KCNAB1: variants seen among roughly 807,000 people sequenced by gnomAD.
KCNAB1 encodes the protein voltage-gated potassium channel subunit beta-1.
A neutral mutation model predicts 64.6 loss-of-function variants in KCNAB1; 35 were observed. The observed-to-expected ratio is 0.54, with a 90% CI of 0.41 to 0.72. KCNAB1 has a LOEUF of 0.72. KCNAB1 is among the 30% of genes least tolerant of loss of function. KCNAB1 has a pLI of 0.00. For synonymous variants in KCNAB1, 177 were observed against 183.8 expected, an observed-to-expected ratio of 0.96 and a Z score of 0.30; for missense variants, 401 against 512.9, an observed-to-expected ratio of 0.78 and a Z score of 2.11.
intron 11 of KCNAB1, among the ~76,000 whole-genome samples, chr3:156,517,855 G>T (rs538023673): frequency 6.6e-6 from 1 of 152,160 alleles, no homozygotes; most frequent in Non-Finnish European, 1.5e-5. Flanking sequence ...ACTAAAACAC[G>T]AAGACCTTAA....
chr3:156,269,003 A>C (rs1054982413), intron 1 of KCNAB1, among the ~76,000 whole-genome samples: 2 of 152,204 alleles, frequency 1.3e-5, no homozygotes, highest in Admixed American at 6.5e-5. Flanking sequence ...TCTTAGATTT[A>C]AGTCTTTAAT....
chr3:156,258,215 A>T (rs1347992691), intron 1 of KCNAB1, among the ~76,000 whole-genome samples: 1 of 152,090 alleles, frequency 6.6e-6, no homozygotes, highest in Admixed American at 6.6e-5. Context: ...ACATATACAC[A>T]CCCAGAGCCT....
chr3:156,158,618 G>C (rs1186934927), intron 1 of KCNAB1, among the ~76,000 whole-genome samples: 15 of 152,154 alleles, frequency 9.9e-5, no homozygotes, highest in Non-Finnish European at 2.2e-4. Context: ...GAAAAGTCCA[G>C]AGGTAGGGAA....
At chr3:156,199,603 C>T (rs1267755929) in intron 1 of KCNAB1, among the ~76,000 whole-genome samples, 1 of 152,134 alleles carries the variant, frequency 6.6e-6, no homozygotes, top group Non-Finnish European at 1.5e-5. Flanking sequence ...TCCACTTAAT[C>T]GATTTGGTTA....
intron 1 of KCNAB1, among the ~76,000 whole-genome samples, chr3:156,351,648 G>A (rs1003777876): frequency 2.6e-5 from 4 of 152,240 alleles, no homozygotes; most frequent in Non-Finnish European, 4.4e-5. Context: ...CCACTCAGTC[G>A]CTAAGTCTCC....
At chr3:156,200,283 G>A (rs1419931753) in intron 1 of KCNAB1, among the ~76,000 whole-genome samples, 3 of 152,332 alleles carry the variant, frequency 2.0e-5, no homozygotes, top group Admixed American at 1.3e-4. Flanking sequence ...GTGTCTCCCA[G>A]TTAGGAGGCA....
chr3:156,141,733 T>C (rs1027239762), intron 1 of KCNAB1, among the ~76,000 whole-genome samples: 4 of 152,246 alleles, frequency 2.6e-5, no homozygotes, highest in Non-Finnish European at 5.9e-5. Context: ...AACATTTGTG[T>C]ACAAGTTTTC....
intron 1 of KCNAB1, among the ~76,000 whole-genome samples, chr3:156,327,068 CA>C (rs1488796848): frequency 6.6e-6 from 1 of 152,036 alleles, no homozygotes; most frequent in African/African-American, 2.4e-5. Context: ...TTTACTACAC[CA>C]AATTAAACAT....
chr3:156,402,926 T>C (rs1714003920), intron 1 of KCNAB1, among the ~76,000 whole-genome samples: 1 of 152,228 alleles, frequency 6.6e-6, no homozygotes, highest in Admixed American at 6.5e-5. Flanking sequence ...TAGAGTTTTA[T>C]TGTCCATTTT....
chr3:156,154,123 C>T (rs953689917), intron 1 of KCNAB1, among the ~76,000 whole-genome samples: 2 of 152,180 alleles, frequency 1.3e-5, no homozygotes, highest in African/African-American at 4.8e-5. Context: ...ATGAGACACT[C>T]GTTGCTTTCA....
chr3:156,462,241 TG>T (rs1474095902), intron 5 of KCNAB1, among the ~76,000 whole-genome samples: 3 of 152,254 alleles, frequency 2.0e-5, no homozygotes, highest in Non-Finnish European at 2.9e-5. Context: ...ATATAGTTAA[TG>T]TGCATATCCA....
chr3:156,203,668 C>T (rs769470739), intron 1 of KCNAB1, among the ~76,000 whole-genome samples: 5 of 152,114 alleles, frequency 3.3e-5, no homozygotes, highest in Admixed American at 6.5e-5. Context: ...TTGATACTGC[C>T]GTCAAATCAT....
chr3:156,202,453 G>A (rs959405952), intron 1 of KCNAB1, among the ~76,000 whole-genome samples: 1 of 152,134 alleles, frequency 6.6e-6, no homozygotes, highest in African/African-American at 2.4e-5. Flanking sequence ...TTTCTCTAAC[G>A]ATCTGCTAGG....
At chr3:156,430,134 TCAG>T (rs572838050) in intron 2 of KCNAB1, among the ~76,000 whole-genome samples, 124 of 152,372 alleles carry the variant, frequency 8.1e-4, no homozygotes, top group African/African-American at 2.8e-3. Flanking sequence ...GCCTTCTGAA[TCAG>T]CAGGGACTGC....
chr3:156,463,917 C>T (rs1713143523), intron 6 of KCNAB1, among the ~76,000 whole-genome samples, 171 bp downstream of exon 6: 1 of 151,164 alleles, frequency 6.6e-6, no homozygotes, highest in Non-Finnish European at 1.5e-5. Flanking sequence ...CCTAAGATTT[C>T]ATTTTAGCAA....
At chr3:156,369,875 C>T (rs1292087261) in intron 1 of KCNAB1, among the ~76,000 whole-genome samples, 1 of 152,208 alleles carries the variant, frequency 6.6e-6, no homozygotes, top group East Asian at 1.9e-4. Context: ...TTTGCTCCAA[C>T]TGTCACATCA....
At chr3:156,170,426 G>C (rs1711892132) in intron 1 of KCNAB1, among the ~76,000 whole-genome samples, 1 of 152,140 alleles carries the variant, frequency 6.6e-6, no homozygotes, top group South Asian at 2.1e-4. Context: ...TGGAGGTACA[G>C]GTCATTACTT....
chr3:156,523,951 A>T lies in KCNAB1; in HGVS notation c.1081+4A>T. 3 of 1,613,436 alleles carry T rather than the reference A, an allele frequency of 1.9e-6. No individual in the cohort carries two copies. Among genetic ancestry groups the T allele is most frequent in the Non-Finnish European group, 2.5e-6 (3 of 1,179,788 alleles). ...ACACTACCTCAGCTAGCTGTTGGTAAGAAAATTACTAAGCTATGGGGTGGT... is the reference window on the plus strand; with the variant it reads ...ACACTACCTCAGCTAGCTGTTGGTATGAAAATTACTAAGCTATGGGGTGGT... On this transcript the variant is annotated splice_donor_region_variant and intron_variant, in intron 12 of 13. Coordinates refer to ENST00000490337, the MANE Select transcript of KCNAB1 (RefSeq NM_172160.3).
At chr3:156,127,986 A>G (rs1279385142) in intron 1 of KCNAB1, among the ~76,000 whole-genome samples, 4 of 151,222 alleles carry the variant, frequency 2.6e-5, no homozygotes, top group African/African-American at 9.7e-5. Context: ...CCTCTATCTC[A>G]GTCTTCTGAC....
Sources: gnomAD v4.1 joint callset for allele counts (sites outside exome capture counted in the v4.1 genomes callset) on GRCh38, gnomAD v4.1.1 for gene constraint, MANE v1.5 for transcripts, NCBI Gene and HGNC (gene_info 2026-07-23, HGNC 2026-07-21) for gene names.